LARGE1: variants seen among roughly 807,000 people sequenced by gnomAD.
LARGE1 encodes LARGE xylosyl- and glucuronyltransferase 1.
A neutral mutation model predicts 87.6 loss-of-function variants in LARGE1; 43 were observed. The observed-to-expected ratio is 0.49, with a 90% CI of 0.38 to 0.63. The LOEUF (loss-of-function observed/expected upper bound fraction) is 0.63. Among genes scored for constraint, LARGE1 ranks in the 30% least tolerant of loss-of-function variants. The pLI is 0.00. For missense variants in LARGE1, 802 were observed against 1,000.2 expected, an observed-to-expected ratio of 0.80 and a Z score of 2.67; for synonymous variants, 434 against 394.6, an observed-to-expected ratio of 1.10 and a Z score of -1.18.
intron 11 of LARGE1, among the ~76,000 whole-genome samples, chr22:33,239,543 T>C (rs1199936326): frequency 7.2e-6 from 1 of 138,514 alleles, no homozygotes; most frequent in Non-Finnish European, 1.6e-5. Context: ...TTCTTTTTTT[T>C]TTTTTTTTTT....
At chr22:33,177,366 T>C (rs935025489) in intron 11 of LARGE1, among the ~76,000 whole-genome samples, 1 of 152,154 alleles carries the variant, frequency 6.6e-6, no homozygotes, top group Admixed American at 6.5e-5. Context: ...ACAATAGATA[T>C]GGATATTTAA....
chr22:33,630,160 T>C (rs1404118028), intron 3 of LARGE1, among the ~76,000 whole-genome samples: 1 of 151,802 alleles, frequency 6.6e-6, no homozygotes, highest in East Asian at 1.9e-4. Flanking sequence ...GATCTCGCCA[T>C]TGCACTCCAG....
chr22:33,253,290 A>G (rs1457628389), intron 11 of LARGE1, among the ~76,000 whole-genome samples: 1 of 152,252 alleles, frequency 6.6e-6, no homozygotes, highest in Non-Finnish European at 1.5e-5. Flanking sequence ...AATAAGTGCA[A>G]GTCATTTTTA....
chr22:33,704,547 G>C (rs1480861062), intron 2 of LARGE1, among the ~76,000 whole-genome samples: 1 of 152,144 alleles, frequency 6.6e-6, no homozygotes, highest in African/African-American at 2.4e-5. Flanking sequence ...TCGCAACTGA[G>C]CCTGATTCCC....
At chr22:33,400,895 C>T (rs182378558) in intron 7 of LARGE1, among the ~76,000 whole-genome samples, 5 of 152,304 alleles carry the variant, frequency 3.3e-5, no homozygotes, top group Middle Eastern at 3.4e-3. Context: ...ATGAACACTT[C>T]GTGAGTGCCC....
rs2079192441 is a variant in LARGE1, at chr22:33,604,373, C to G, written c.615+62G>C. On this transcript the variant is annotated intron_variant, in intron 5 of 14. Coordinates refer to ENST00000397394, the MANE Select transcript of LARGE1 (RefSeq NM_133642.5). The stretch of plus-strand genomic sequence containing the variant: ...TCTGGCATTGCTACAGTCTGCTCAA[C>G]CACAAGTAATAACGCTTCCAGCTAG... The G allele has an allele frequency of 3.7e-6, 6 of 1,610,136 alleles. No homozygotes were observed. The Admixed American group carries it at 5.0e-5, about 13-fold the overall frequency.
intron 2 of LARGE1, among the ~76,000 whole-genome samples, chr22:33,674,488 T>G (rs16985361): frequency 0.02 from 2,995 of 152,298 alleles, 70 homozygotes; most frequent in African/African-American, 0.057. Flanking sequence ...CCATGCAGCT[T>G]TAGTTTCTCA....
chr22:33,384,176 G>A lies in LARGE1; in HGVS notation c.1005+16C>T, dbSNP rs763692999. Reference sequence around the variant, plus strand: ...CACACTCAGGAATAGCTGCACCTTCGAACCTGGCCACTCACCTGGTCAGCT... The same window carrying A: ...CACACTCAGGAATAGCTGCACCTTCAAACCTGGCCACTCACCTGGTCAGCT... On this transcript the variant is annotated intron_variant, in intron 8 of 14. Coordinates refer to ENST00000397394, the MANE Select transcript of LARGE1 (RefSeq NM_133642.5). The A allele has an allele frequency of 5.7e-6, 9 of 1,579,276 alleles. No homozygotes were observed. Among genetic ancestry groups the A allele is most frequent in the Admixed American group, 5.0e-5 (3 of 59,972 alleles).
the LARGE1 span, among the ~76,000 whole-genome samples, chr22:33,100,626 C>G: frequency 6.6e-6 from 1 of 152,108 alleles, no homozygotes; most frequent in Non-Finnish European, 1.5e-5. Context: ...TGTATTACCT[C>G]GTGACCTTGT....
intron 2 of LARGE1, among the ~76,000 whole-genome samples, chr22:33,664,023 C>T (rs1022099667): frequency 6.6e-6 from 1 of 152,188 alleles, no homozygotes; most frequent in Non-Finnish European, 1.5e-5. Flanking sequence ...CTACCTTCCA[C>T]AACGTAGATA....
chr22:33,607,626 G>C (rs1233928284), intron 4 of LARGE1, among the ~76,000 whole-genome samples: 2 of 152,132 alleles, frequency 1.3e-5, no homozygotes, highest in Non-Finnish European at 2.9e-5. Context: ...CCAGGACAGG[G>C]AATACAATGA....
At chr22:33,423,296 C>T (rs763099565) in intron 7 of LARGE1, among the ~76,000 whole-genome samples, 3 of 151,976 alleles carry the variant, frequency 2.0e-5, no homozygotes, top group Non-Finnish European at 2.9e-5. Flanking sequence ...GACCATTACA[C>T]GTTGAAGTAA....
chr22:33,863,717 G>GA (rs1568996464), intron 1 of LARGE1, among the ~76,000 whole-genome samples: 1 of 151,350 alleles, frequency 6.6e-6, no homozygotes, highest in Non-Finnish European at 1.5e-5. Flanking sequence ...GCAGTGAGCC[G>GA]ACATTGCGCC....
chr22:33,633,717 A>G (rs1179077865), intron 3 of LARGE1, among the ~76,000 whole-genome samples: 6 of 152,212 alleles, frequency 3.9e-5, no homozygotes, highest in Admixed American at 1.3e-4. Context: ...CTTGGGCATC[A>G]GGTGTGCTAT....
At chr22:33,658,658 T>C (rs1043824107) in intron 2 of LARGE1, among the ~76,000 whole-genome samples, 1 of 152,254 alleles carries the variant, frequency 6.6e-6, no homozygotes, top group South Asian at 2.1e-4. Context: ...ATGGTGTATA[T>C]GTACCATATT....
Position 33,392,245 on chromosome 22 carries a change from T to C in LARGE1, c.893-7941A>G, listed in dbSNP as rs577443866. On this transcript the variant is annotated intron_variant, in intron 7 of 14. Coordinates refer to ENST00000397394, the MANE Select transcript of LARGE1 (RefSeq NM_133642.5). Reference sequence around the variant, plus strand: ...ACACACTCTTGGCTCTGAGTCCTGATATCACTGCTTAATATCAATATGATT... The same window carrying C: ...ACACACTCTTGGCTCTGAGTCCTGACATCACTGCTTAATATCAATATGATT... Among the ~76,000 whole-genome samples, 4 of 151,930 alleles carry C rather than the reference T, an allele frequency of 2.6e-5. No homozygotes were observed. In the South Asian group the frequency reaches 8.3e-4, roughly 32 times the overall value.
chr22:33,659,144 C>T (rs1398722070), intron 2 of LARGE1, among the ~76,000 whole-genome samples: 1 of 152,218 alleles, frequency 6.6e-6, no homozygotes, highest in Non-Finnish European at 1.5e-5. Context: ...TATCCAGCTT[C>T]TCCGGTTTCT....
chr22:33,147,003 C>A, the LARGE1 span, among the ~76,000 whole-genome samples: 2 of 152,122 alleles, frequency 1.3e-5, no homozygotes, highest in Non-Finnish European at 2.9e-5. Context: ...AATATAAAAT[C>A]TTTTGTGTCC....
chr22:33,070,338 G>C, the LARGE1 span, among the ~76,000 whole-genome samples: 7 of 152,132 alleles, frequency 4.6e-5, no homozygotes, highest in Non-Finnish European at 4.4e-5. Flanking sequence ...TAGAACAATG[G>C]TTTGCAACCA....
Sources: allele counts gnomAD v4.1 joint callset (sites outside exome capture counted in the v4.1 genomes callset), GRCh38; gene constraint gnomAD v4.1.1; transcripts MANE v1.5; gene names NCBI Gene and HGNC (gene_info 2026-07-23, HGNC 2026-07-21).